The following DNMBP variants were observed in gnomAD, a reference collection of about 807,000 sequenced individuals.
DNMBP encodes the protein dynamin binding protein.
Under a neutral mutation model 150.0 loss-of-function variants are expected in DNMBP, and 87 were observed. The ratio of observed to expected loss-of-function variants is 0.58; its 90% CI spans 0.49 to 0.69. The LOEUF is 0.69. DNMBP is among the 30% of genes least tolerant of loss of function. The pLI, the probability that DNMBP is intolerant of heterozygous loss-of-function variation, is 0.00. For missense variants in DNMBP, 1,774 were observed against 1,949.0 expected (o/e 0.91, Z 1.69); for synonymous variants, 711 against 750.4 (o/e 0.95, Z 0.86).
At chr10:99,965,897 T>C (rs2040614877) in intron 3 of DNMBP, among the ~76,000 whole-genome samples, 1 of 152,160 alleles carries the variant, frequency 6.6e-6, no homozygotes, top group South Asian at 2.1e-4. Context: ...ATTTTCAGTC[T>C]AGGAAGTTGA....
intron 9 of DNMBP, 24 bp from the exon 10 acceptor site, chr10:99,896,421 C>T (rs2039655614): frequency 6.2e-7 from 1 of 1,613,692 alleles, no homozygotes. Context: ...CAGAAAAGCA[C>T]TTTCCTCAGC....
chr10:99,892,899 T>C (rs2251497), intron 11 of DNMBP, among the ~76,000 whole-genome samples: 19,924 of 152,070 alleles, frequency 0.13, 1,903 homozygotes, highest in African/African-American at 0.26. Context: ...TTAAGCAAAC[T>C]CAGAAGTCAA....
intron 1 of DNMBP, among the ~76,000 whole-genome samples, chr10:99,995,699 A>G (rs1266930562): frequency 6.6e-6 from 1 of 152,186 alleles, no homozygotes; most frequent in Non-Finnish European, 1.5e-5. Flanking sequence ...TATGATGGAC[A>G]GAAATAAAAG....
At chr10:99,960,616 G>C (rs1444369512) in intron 3 of DNMBP, among the ~76,000 whole-genome samples, 1 of 152,162 alleles carries the variant, frequency 6.6e-6, no homozygotes, top group African/African-American at 2.4e-5. Context: ...AGACTAGCCT[G>C]GCCAACATGG....
chr10:99,911,930 C>A (rs188236652), intron 4 of DNMBP, among the ~76,000 whole-genome samples: 1 of 152,092 alleles, frequency 6.6e-6, no homozygotes, highest in Non-Finnish European at 1.5e-5. Context: ...CTCATTAGTG[C>A]CAAGTTGAGA....
intron 1 of DNMBP, among the ~76,000 whole-genome samples, chr10:99,974,095 C>A (rs554499470): frequency 2.6e-5 from 4 of 152,060 alleles, no homozygotes; most frequent in African/African-American, 9.6e-5. Context: ...TCAAGACCAA[C>A]GTGGGCAACA....
chr10:99,903,693 A>G (rs953574705), intron 6 of DNMBP, among the ~76,000 whole-genome samples: 11 of 152,156 alleles, frequency 7.2e-5, no homozygotes, highest in African/African-American at 1.2e-4. Context: ...ACCATTCTAC[A>G]TTAGTCTGCC....
At chr10:99,993,548 T>C (rs2040920362) in intron 1 of DNMBP, among the ~76,000 whole-genome samples, 1 of 152,156 alleles carries the variant, frequency 6.6e-6, no homozygotes, top group African/African-American at 2.4e-5. Flanking sequence ...ATGCCTGTAA[T>C]CCCAGCATTT....
intron 1 of DNMBP, among the ~76,000 whole-genome samples, chr10:99,998,779 T>C (rs1170964838): frequency 6.6e-6 from 1 of 152,062 alleles, no homozygotes; most frequent in Non-Finnish European, 1.5e-5. Context: ...CATACATAAA[T>C]AAAAGGGAAT....
chr10:99,941,947 G>A (rs1184816805), intron 4 of DNMBP, among the ~76,000 whole-genome samples: 1 of 152,154 alleles, frequency 6.6e-6, no homozygotes, highest in Non-Finnish European at 1.5e-5. Flanking sequence ...CTCAGCCTCT[G>A]CCCTGTGTCT....
rs147579258 is a variant in DNMBP at position 99,922,260 on chromosome 10, G to A, written c.2261-13114C>T. On this transcript the variant is annotated intron_variant, in intron 4 of 16. Transcript: ENST00000324109. The stretch of plus-strand genomic sequence containing the variant: ...CATGCCATGATATTGCAAGTTAGTT[G>A]CTTTGATTCACTCCCCCTTCCCACT... 5.6e-3 allele frequency among the ~76,000 whole-genome samples: 846 copies of A among 152,164 alleles called. 10 individuals carry two copies. Among genetic ancestry groups the A allele is most frequent in the African/African-American group, 0.019 (787 of 41,502 alleles).
chr10:99,896,164 G>A lies in DNMBP; in HGVS notation c.3051+103C>T, dbSNP rs1329102021. On this transcript the variant is annotated intron_variant, in intron 10 of 16. Coordinates refer to ENST00000324109, the MANE Select transcript of DNMBP (RefSeq NM_015221.4). Reference sequence around the variant, plus strand: ...CCACCAGCTCGTAAAACCGGAGGACGTCTGAGGAAGGGAACCACGCCAATT... The same window carrying A: ...CCACCAGCTCGTAAAACCGGAGGACATCTGAGGAAGGGAACCACGCCAATT... 54 of 1,363,830 alleles carry A rather than the reference G, an allele frequency of 4.0e-5. No individual in the cohort carries two copies. In the South Asian group the frequency reaches 4.1e-4, roughly 10 times the overall value. The allele number at this position is 1,363,830 out of a possible 1,614,324, so 84.5% of individuals were successfully genotyped here.
intron 4 of DNMBP, among the ~76,000 whole-genome samples, chr10:99,932,228 A>T (rs2032721488): frequency 6.6e-6 from 1 of 152,164 alleles, no homozygotes; most frequent in African/African-American, 2.4e-5. Context: ...ACCCTGAGGA[A>T]AACTGCCTTA....
intron 3 of DNMBP, among the ~76,000 whole-genome samples, chr10:99,968,688 C>CAA (rs397755241): frequency 6.4e-5 from 7 of 109,296 alleles, no homozygotes; most frequent in Admixed American, 2.0e-4. Context: ...ACTACTGTCT[C>CAA]AAAAAAAAAA....
intron 11 of DNMBP, among the ~76,000 whole-genome samples, chr10:99,891,694 C>G (rs2039564453): frequency 6.7e-6 from 1 of 149,664 alleles, no homozygotes; most frequent in African/African-American, 2.5e-5. Flanking sequence ...TGAGGAGCGT[C>G]TCTGCCCGGC....
chr10:99,964,491 G>GT (rs200597908), intron 3 of DNMBP, among the ~76,000 whole-genome samples: 2,381 of 146,360 alleles, frequency 0.016, 50 homozygotes, highest in African/African-American at 0.05. Flanking sequence ...CTTTTCTCCT[G>GT]TTTTTGTTTT....
chr10:99,949,649 C>G (rs542539563), intron 4 of DNMBP, among the ~76,000 whole-genome samples: 1 of 152,302 alleles, frequency 6.6e-6, no homozygotes, highest in South Asian at 2.1e-4. Context: ...ATACCCAATA[C>G]TGTATTTGGT....
intron 4 of DNMBP, among the ~76,000 whole-genome samples, chr10:99,940,366 T>A (rs1461722193): frequency 2.0e-5 from 3 of 152,056 alleles, no homozygotes; most frequent in African/African-American, 7.2e-5. Context: ...CTTTTCACCA[T>A]CAAACCTACC....
At position 99,926,444 on chromosome 10, in the gene DNMBP, C is replaced by A. The variant is rs74155739; in HGVS notation, c.2261-17298G>T. 1.2e-3 allele frequency among the ~76,000 whole-genome samples: 182 copies of A among 152,176 alleles called. 1 individual carries two copies. The highest frequency in any genetic ancestry group is 4.3e-3 in the African/African-American group (178 of 41,498). Reference sequence around the variant, plus strand: ...TTTAAAAAATAACTATATGCAGGCACTGAAAAGCAATCAAAAGCAGGCAGA... The same window carrying A: ...TTTAAAAAATAACTATATGCAGGCAATGAAAAGCAATCAAAAGCAGGCAGA... On this transcript the variant is annotated intron_variant, in intron 4 of 16. Transcript: ENST00000324109.
Sources: gnomAD v4.1 joint callset for allele counts (sites outside exome capture counted in the v4.1 genomes callset) on GRCh38, gnomAD v4.1.1 for gene constraint, MANE v1.5 for transcripts, NCBI Gene and HGNC (gene_info 2026-07-23, HGNC 2026-07-21) for gene names.